EHMT1: variants seen among roughly 807,000 people sequenced by gnomAD.
EHMT1 encodes the protein histone-lysine N-methyltransferase EHMT1.
Under a neutral mutation model 147.2 loss-of-function variants are expected in EHMT1, and 15 were observed. The ratio of observed to expected loss-of-function variants is 0.10; its 90% confidence interval spans 0.07 to 0.16. The LOEUF (loss-of-function observed/expected upper bound fraction) is 0.16, where lower values mean the gene tolerates loss of function less well. Among genes scored for constraint, EHMT1 ranks in the 10% least tolerant of loss-of-function variants. The pLI is 1.00. For missense variants in EHMT1, 1,587 were observed against 1,772.4 expected, an observed-to-expected ratio of 0.90 and a Z score of 1.88; for synonymous variants, 795 against 709.6, an observed-to-expected ratio of 1.12 and a Z score of -1.91.
intron 2 of EHMT1, among the ~76,000 whole-genome samples, chr9:137,712,288 T>A (rs570034063): frequency 1.3e-5 from 2 of 152,332 alleles, no homozygotes; most frequent in African/African-American, 4.8e-5. Flanking sequence ...AGCCCCAGGT[T>A]ATTCCATTAC....
At chr9:137,691,113 T>A (rs188661830) in intron 1 of EHMT1, among the ~76,000 whole-genome samples, 105 of 152,076 alleles carry the variant, frequency 6.9e-4, no homozygotes, top group African/African-American at 2.2e-3. Context: ...CTCCCTCCCC[T>A]CAGCTCTTGG....
At chr9:137,650,708 C>CT (rs1349484587) in intron 1 of EHMT1, among the ~76,000 whole-genome samples, 1 of 145,900 alleles carries the variant, frequency 6.9e-6, no homozygotes, top group African/African-American at 2.6e-5. Flanking sequence ...ACTCTGTTGC[C>CT]TATGTTGGAG....
chr9:137,651,460 A>G (rs544592201), intron 1 of EHMT1, among the ~76,000 whole-genome samples: 18 of 152,262 alleles, frequency 1.2e-4, no homozygotes, highest in African/African-American at 4.3e-4. Flanking sequence ...TCAGTGATGG[A>G]CAACATATAA....
chr9:137,728,309 G>A, intron 3 of EHMT1, 40 bp from the exon 4 acceptor site: 1 of 1,613,758 alleles, frequency 6.2e-7, no homozygotes, highest in South Asian at 1.1e-5. Flanking sequence ...GTGACCACCT[G>A]CTTATGCAGT....
chr9:137,753,803 C>T (rs1271259549), intron 7 of EHMT1, among the ~76,000 whole-genome samples: 6 of 152,094 alleles, frequency 3.9e-5, no homozygotes, highest in Admixed American at 3.9e-4. Flanking sequence ...GCAAGCCGAG[C>T]GTTGATTGTC....
intron 1 of EHMT1, among the ~76,000 whole-genome samples, chr9:137,635,311 A>G (rs916487791): frequency 1.3e-5 from 2 of 150,344 alleles, no homozygotes; most frequent in Non-Finnish European, 3.0e-5. Context: ...AATTCAAGCC[A>G]TTCTCCTGCC....
chr9:137,762,835 T>C lies in EHMT1; in HGVS notation c.1647+15T>C. 6.2e-7 allele frequency: 1 copy of C among 1,613,976 alleles called. No individual in the cohort carries two copies. The highest frequency in any genetic ancestry group is 8.5e-7 in the Non-Finnish European group (1 of 1,180,028). ...TGGACCATGAAGTAAGCACGTTTGT[T>C]TTCATTTAAAGCAGCCACGAGGAGT... On this transcript the variant is annotated intron_variant, in intron 10 of 26. Transcript: ENST00000460843.
chr9:137,715,568 T>C (rs984177895), intron 2 of EHMT1: 2 of 985,320 alleles, frequency 2.0e-6, no homozygotes, highest in East Asian at 2.3e-4. Flanking sequence ...CATCTCAGGC[T>C]TGACTGAGCT....
Position 137,754,736 on chromosome 9 carries a change from C to T in EHMT1, c.1369+445C>T, listed in dbSNP as rs573281989. Among the ~76,000 whole-genome samples, 18 of 152,226 alleles carry T rather than the reference C, an allele frequency of 1.2e-4. No homozygotes were observed. The East Asian group carries it at 2.5e-3, about 21-fold the overall frequency. On this transcript the variant is annotated intron_variant, in intron 8 of 26. Transcript: ENST00000460843. ...TTTGCTATGTTGGCCAGGCTGGTCT[C>T]GAACTCCTGAGCTCAAGCGATCTGC... is the stretch of plus-strand genomic sequence containing the variant.
intron 3 of EHMT1, among the ~76,000 whole-genome samples, chr9:137,723,403 G>A (rs1946276859): frequency 1.4e-5 from 2 of 144,696 alleles, no homozygotes; most frequent in South Asian, 2.3e-4. Context: ...TGAGCCCGGG[G>A]TGTGCCCTGT....
At position 137,782,387 on chromosome 9, in the gene EHMT1, T is replaced by C. The variant is rs754505534; in HGVS notation, c.2372T>C (p.Met791Thr). 1.2e-6 allele frequency: 2 copies of C among 1,610,676 alleles called. No individual in the cohort carries two copies. The stretch of plus-strand genomic sequence containing the variant: ...GCTGGACACGTGGACATCTGCCACA[T>C]GCTGGTTCAGGTGCGGCGGCACGGC... ...AEAGHVDICH[M>T]LVQAGANIDT... The change falls in exon 15 of 27, where the codon ATG becomes ACG. Residue 791 changes from methionine to threonine, a missense_variant. This residue lies in a region of EHMT1 where 201 missense variants were observed against 350.1 expected (regional missense o/e 0.57). Coordinates refer to ENST00000460843, the MANE Select transcript of EHMT1 (RefSeq NM_024757.5). The surrounding 1 kb of genome is among the most constrained non-coding windows in gnomAD (Gnocchi z 5.7).
At chr9:137,669,324 C>G in intron 1 of EHMT1, among the ~76,000 whole-genome samples, 1 of 142,380 alleles carries the variant, frequency 7.0e-6, no homozygotes, top group African/African-American at 2.7e-5. Flanking sequence ...GAAAGACGCC[C>G]CCACAGCACG....
intron 9 of EHMT1, among the ~76,000 whole-genome samples, chr9:137,758,954 C>T (rs539510767): frequency 2.0e-5 from 3 of 152,092 alleles, no homozygotes; most frequent in South Asian, 2.1e-4. Flanking sequence ...GATGAAACCC[C>T]GTCTCTACTA....
chr9:137,664,331 G>A (rs1939401541), intron 1 of EHMT1, among the ~76,000 whole-genome samples: 1 of 148,394 alleles, frequency 6.7e-6, no homozygotes, highest in Admixed American at 6.8e-5. Flanking sequence ...GTGCTCTGTC[G>A]CTCAGGCTGG....
At chr9:137,812,298 C>T (rs73578857) in intron 19 of EHMT1, among the ~76,000 whole-genome samples, 8,832 of 152,204 alleles carry the variant, frequency 0.058, 825 homozygotes, top group African/African-American at 0.2. Context: ...GAGATTGCGA[C>T]GCTACACTCC....
In EHMT1 at chr9:137,814,392, G is replaced by C. The variant is rs200895517; in HGVS notation, c.3181-39G>C. ...GACTGGGAGGGGAAATGGAAGGCCT[G>C]TGCCTGCACGTCTGACCCCCCGGCG... On this transcript the variant is annotated intron_variant, in intron 21 of 26. Coordinates refer to ENST00000460843, the MANE Select transcript of EHMT1 (RefSeq NM_024757.5). 5.5e-4 allele frequency: 884 copies of C among 1,605,340 alleles called. No homozygotes were observed. The highest frequency in any genetic ancestry group is 7.0e-4 in the Non-Finnish European group (828 of 1,175,118).
chr9:137,818,129 C>T lies in EHMT1; in HGVS notation c.3531C>T (p.Leu1177=), dbSNP rs367655246. The T allele has an allele frequency of 1.3e-5, 21 of 1,614,034 alleles. No homozygotes were observed. The highest frequency in any genetic ancestry group is 4.4e-5 in the South Asian group (4 of 91,070). ...AGGAAGATTCTTACCTCTTTGATCT[C>T]GACAATAAGGTAATGTGTTTTGTGG... ...VREEDSYLFD[L]DNKDGEVYCI... Residue 1177 remains leucine, a synonymous_variant, in exon 25 of 27, where the codon CTC becomes CTT. Coordinates refer to ENST00000460843, the MANE Select transcript of EHMT1 (RefSeq NM_024757.5).
chr9:137,814,555 GTC>G, intron 22 of EHMT1, 47 bp downstream of exon 22: 1 of 1,592,330 alleles, frequency 6.3e-7, no homozygotes, highest in Non-Finnish European at 8.5e-7. Context: ...AGTGCCGCTG[GTC>G]CGGGTCTGCA....
At chr9:137,817,918 G>A (rs527870764) in intron 24 of EHMT1, 142 bp from the exon 25 acceptor site, 32 of 823,358 alleles carry the variant, frequency 3.9e-5, no homozygotes, top group East Asian at 7.5e-5. Flanking sequence ...TTCAACCCTG[G>A]GCACACCTCT....
Sources: allele counts gnomAD v4.1 joint callset (sites outside exome capture counted in the v4.1 genomes callset), GRCh38; gene constraint gnomAD v4.1.1; regional missense constraint gnomAD v4.1.1; non-coding constraint Gnocchi (gnomAD v3.1); transcripts MANE v1.5; gene names NCBI Gene and HGNC (gene_info 2026-07-23, HGNC 2026-07-21).